CDS2: variants seen among roughly 807,000 people sequenced by gnomAD.
CDS2 encodes the protein phosphatidate cytidylyltransferase 2.
A neutral mutation model predicts 59.0 loss-of-function variants in CDS2; 47 were observed. The ratio of observed to expected loss-of-function variants is 0.80; its 90% CI spans 0.63 to 1.02. The LOEUF (loss-of-function observed/expected upper bound fraction) is 1.02. CDS2 is among the 50% of genes least tolerant of loss of function. The probability of loss-of-function intolerance (pLI) is 0.00; values close to 1 mark genes in which losing one functional copy is unlikely to be tolerated. For missense variants in CDS2, 356 were observed against 558.9 expected (o/e 0.64, Z 3.66); for synonymous variants, 207 against 206.4 (o/e 1.00, Z -0.02).
rs749636642 is a variant in CDS2 at position 5,190,504 on chromosome 20, A to G, written c.*270A>G. 1 of 292,546 alleles carries G rather than the reference A, an allele frequency of 3.4e-6. No individual in the cohort carries two copies. The highest frequency in any genetic ancestry group is 6.4e-6 in the Non-Finnish European group (1 of 156,956). The allele number at this position is 292,546 out of a possible 1,614,324, so 18.1% of individuals were successfully genotyped here. A position where few individuals can be genotyped will look rare whatever the true frequency, so the allele number is the denominator to read the frequency against. On this transcript the variant is annotated 3_prime_UTR_variant, in exon 13 of 13. Transcript: ENST00000460006. ...TGGATTTTTTTAAAACAAAAGTATT[A>G]ATAATCTGGAAGACAGTGTTGCCCA...
intron 1 of CDS2, among the ~76,000 whole-genome samples, chr20:5,143,194 A>G (rs1489545621): frequency 1.3e-5 from 2 of 152,176 alleles, no homozygotes; most frequent in African/African-American, 4.8e-5. Context: ...GCCTAGTATC[A>G]TTAGCCATCT....
chr20:5,158,972 C>T (rs1287669990), intron 1 of CDS2, among the ~76,000 whole-genome samples: 4 of 152,100 alleles, frequency 2.6e-5, no homozygotes, highest in Admixed American at 6.5e-5. Context: ...GGGTGAGGCA[C>T]TTGATGTTAG....
intron 4 of CDS2, among the ~76,000 whole-genome samples, chr20:5,176,998 C>G (rs1476440591): frequency 1.3e-5 from 2 of 152,120 alleles, no homozygotes; most frequent in African/African-American, 4.8e-5. Context: ...GAGGTGATTG[C>G]CACAGACTCG....
chr20:5,182,409 T>C lies in CDS2; in HGVS notation c.552T>C (p.Ser184=). 1 of 1,611,670 alleles carries C rather than the reference T, an allele frequency of 6.2e-7. No homozygotes were observed. The highest frequency in any genetic ancestry group is 1.7e-5 in the Admixed American group (1 of 59,636). Residue 184 remains serine (S), a synonymous_variant, in exon 6 of 13, where the codon AGT becomes AGC. Transcript: ENST00000460006. The part of the protein sequence containing the change: ...YLIGFCMFVL[S]LVKKHYRLQF... ...TAGGATTCTGCATGTTTGTACTGAG[T>C]CTGGTCAAGAAGCATTATCGACTGC...
At chr20:5,185,731 T>G in intron 8 of CDS2, 27 bp from the exon 9 acceptor site, 1 of 1,607,180 alleles carries the variant, frequency 6.2e-7, no homozygotes, top group Middle Eastern at 1.7e-4. Context: ...AAACACCCTT[T>G]GCTGAGAACT....
intron 1 of CDS2, among the ~76,000 whole-genome samples, chr20:5,169,523 C>T (rs1200721991): frequency 6.6e-6 from 1 of 152,232 alleles, no homozygotes. Flanking sequence ...CTGCTATGTT[C>T]CAGGCACTGC....
Position 5,175,183 on chromosome 20 carries a change from A to G in CDS2, c.195A>G (p.Arg65=), listed in dbSNP as rs764012727. The G allele has an allele frequency of 1.2e-6, 2 of 1,612,874 alleles. No homozygotes were observed. Among genetic ancestry groups the G allele is most frequent in the East Asian group, 4.5e-5 (2 of 44,878 alleles). The stretch of plus-strand genomic sequence containing the variant: ...CTCCTTCCCCTGCTCTCTGACCTAG[A>G]TGGAAGAACTGGTGGGTGAGAGGCA... ...LNRALSNLSS[R]WKNWWVRGIL... is the part of the protein sequence containing the mutation. The change falls in exon 3 of 13, where the codon AGA becomes AGG. Residue 65 remains arginine (R), a splice_region_variant and synonymous_variant. Coordinates refer to ENST00000460006, the MANE Select transcript of CDS2 (RefSeq NM_003818.4).
intron 1 of CDS2, among the ~76,000 whole-genome samples, chr20:5,143,530 C>T (rs954052825): frequency 6.6e-5 from 10 of 152,080 alleles, no homozygotes; most frequent in Non-Finnish European, 5.9e-5. Context: ...AAACTTCAAA[C>T]AATCCAAATT....
At chr20:5,132,214 C>A (rs1209732389) in intron 1 of CDS2, among the ~76,000 whole-genome samples, 2 of 151,972 alleles carry the variant, frequency 1.3e-5, no homozygotes, top group East Asian at 3.9e-4. Flanking sequence ...TCTCCCATCT[C>A]AGCCTCCCGA....
chr20:5,174,323 G>C (rs2090978406), intron 2 of CDS2, among the ~76,000 whole-genome samples: 1 of 152,134 alleles, frequency 6.6e-6, no homozygotes, highest in Admixed American at 6.5e-5. Context: ...CCAGACCCTT[G>C]GATTCAGATC....
chr20:5,178,277 T>G (rs2091008440), intron 4 of CDS2, among the ~76,000 whole-genome samples: 1 of 152,204 alleles, frequency 6.6e-6, no homozygotes. Context: ...TAGAAATAAA[T>G]GCAGGGGAGG....
intron 1 of CDS2, among the ~76,000 whole-genome samples, chr20:5,161,609 A>G (rs1328387855): frequency 2.0e-5 from 3 of 152,158 alleles, no homozygotes; most frequent in Non-Finnish European, 4.4e-5. Context: ...TGCCTTTTTC[A>G]TGTTGCTGCA....
chr20:5,167,629 C>T (rs1301478008), intron 1 of CDS2, among the ~76,000 whole-genome samples: 1 of 152,018 alleles, frequency 6.6e-6, no homozygotes, highest in Non-Finnish European at 1.5e-5. Context: ...CACCTAAGTC[C>T]CTGACACTTA....
Position 5,164,007 on chromosome 20 carries a change from T to C in CDS2, c.58-9516T>C, listed in dbSNP as rs186756960. Among the ~76,000 whole-genome samples the C allele has an allele frequency of 7.9e-5, 12 of 152,166 alleles. No homozygotes were observed. In the East Asian group the frequency reaches 2.3e-3, roughly 29 times the overall value. On this transcript the variant is annotated intron_variant, in intron 1 of 12. Transcript: ENST00000460006. ...AGTTTCACCATGTCGGCCAGGCTGG[T>C]CTTGAACTCCTGACCTCAGGTGATT...
intron 1 of CDS2, among the ~76,000 whole-genome samples, chr20:5,134,371 G>C (rs924131898): frequency 3.3e-5 from 5 of 152,166 alleles, no homozygotes; most frequent in African/African-American, 1.2e-4. Context: ...CTGTATTTCT[G>C]AGAGGGGCTG....
chr20:5,138,859 G>A (rs28813461), intron 1 of CDS2, among the ~76,000 whole-genome samples: 1,866 of 152,044 alleles, frequency 0.012, 48 homozygotes, highest in African/African-American at 0.041. Context: ...TAAAATGACC[G>A]TACTACCTAA....
intron 1 of CDS2, among the ~76,000 whole-genome samples, chr20:5,164,319 G>A (rs1324395674): frequency 6.6e-6 from 1 of 152,116 alleles, no homozygotes; most frequent in Non-Finnish European, 1.5e-5. Context: ...CAGGAGTAGG[G>A]GAGGTTGGGG....
intron 1 of CDS2, among the ~76,000 whole-genome samples, chr20:5,144,887 G>A (rs1944413910): frequency 6.6e-6 from 1 of 152,092 alleles, no homozygotes; most frequent in African/African-American, 2.4e-5. Flanking sequence ...CCCTAAGTGA[G>A]GCAGCATGAA....
At position 5,192,562 on chromosome 20, in the gene CDS2, A is replaced by ATT. The variant is rs1303094861; in HGVS notation, c.*2328_*2329insTT. 1 of 152,156 alleles carries ATT rather than the reference A, an allele frequency of 6.6e-6. No homozygotes were observed. The highest frequency in any genetic ancestry group is 1.5e-5 in the Non-Finnish European group (1 of 68,042). 9.4% of individuals were successfully genotyped at this position (152,156 alleles called of 1,614,324 possible). On this transcript the variant is annotated 3_prime_UTR_variant, in exon 13 of 13. Coordinates refer to ENST00000460006, the MANE Select transcript of CDS2 (RefSeq NM_003818.4). Reference sequence around the variant, plus strand: ...TTCCTATTCACAGACAAGATTCAAGAAACCATTTTTACGTGTGTACATTCA... The same window carrying ATT: ...TTCCTATTCACAGACAAGATTCAAGATTAACCATTTTTACGTGTGTACATTCA...
Sources: allele counts gnomAD v4.1 joint callset (sites outside exome capture counted in the v4.1 genomes callset), GRCh38; gene constraint gnomAD v4.1.1; transcripts MANE v1.5; gene names NCBI Gene and HGNC (gene_info 2026-07-23, HGNC 2026-07-21).